CLUL1: variants seen among roughly 807,000 people sequenced by gnomAD.
The protein encoded by CLUL1 is clusterin-like protein 1.
A neutral mutation model predicts 49.4 loss-of-function variants in CLUL1; 43 were observed. The observed-to-expected ratio is 0.87, with a 90% CI of 0.68 to 1.12. CLUL1 has a LOEUF of 1.12. CLUL1 is among the 50% of genes most tolerant of loss of function. The pLI, the probability that CLUL1 is intolerant of heterozygous loss-of-function variation, is 0.00. For missense variants in CLUL1, 486 were observed against 544.4 expected (o/e 0.89, Z 1.07); for synonymous variants, 192 against 184.9 (o/e 1.04, Z -0.31).
chr18:643,889 C>T (rs1018609392), intron 8 of CLUL1, among the ~76,000 whole-genome samples: 20 of 152,302 alleles, frequency 1.3e-4, no homozygotes, highest in South Asian at 6.2e-4. Context: ...GCTCACACAG[C>T]TAGTAAATGG....
chr18:645,191 C>T (rs2074439918), intron 9 of CLUL1, 94 bp downstream of exon 9: 15 of 894,052 alleles, frequency 1.7e-5, no homozygotes, highest in Non-Finnish European at 2.3e-5. Context: ...ACCTGGAAAA[C>T]ATGTTTAACC....
intron 7 of CLUL1, among the ~76,000 whole-genome samples, chr18:638,163 A>T (rs2074211697): frequency 1.3e-5 from 2 of 152,204 alleles, no homozygotes; most frequent in Admixed American, 1.3e-4. Flanking sequence ...CTCATTATTC[A>T]AATATTTGTT....
At chr18:630,005 A>C (rs12604112) in intron 6 of CLUL1, among the ~76,000 whole-genome samples, 39,258 of 152,108 alleles carry the variant, frequency 0.26, 5,286 homozygotes, top group East Asian at 0.48. Context: ...TGACTGCCCA[A>C]AATATCCCCA....
intron 2 of CLUL1, among the ~76,000 whole-genome samples, chr18:614,135 A>T (rs531216731): frequency 1.3e-5 from 2 of 152,246 alleles, no homozygotes; most frequent in African/African-American, 2.4e-5. Flanking sequence ...CTTTATGTCC[A>T]TCGGTCCTTT....
chr18:648,824 T>G (rs1215038032), intron 9 of CLUL1, among the ~76,000 whole-genome samples: 1 of 152,050 alleles, frequency 6.6e-6, no homozygotes, highest in Non-Finnish European at 1.5e-5. Flanking sequence ...ACTTGGCTAA[T>G]TTTTGTATTT....
chr18:621,253 G>C (rs1299778898), intron 4 of CLUL1, among the ~76,000 whole-genome samples: 1 of 152,072 alleles, frequency 6.6e-6, no homozygotes, highest in African/African-American at 2.4e-5. Context: ...TATAAAGTTG[G>C]GGGCCACTGA....
At chr18:642,261 T>C (rs2074364546) in intron 8 of CLUL1, among the ~76,000 whole-genome samples, 1 of 151,912 alleles carries the variant, frequency 6.6e-6, no homozygotes, top group Admixed American at 6.6e-5. Flanking sequence ...CGAAACCCCG[T>C]CTCTACCAAA....
At chr18:635,971 G>A (rs572511396) in intron 7 of CLUL1, among the ~76,000 whole-genome samples, 12 of 152,156 alleles carry the variant, frequency 7.9e-5, no homozygotes, top group African/African-American at 2.2e-4. Context: ...TCCTGACCTC[G>A]TGATCCTCCC....
intron 1 of CLUL1, among the ~76,000 whole-genome samples, chr18:604,815 C>G: frequency 6.6e-6 from 1 of 152,162 alleles, no homozygotes; most frequent in Admixed American, 6.5e-5. Flanking sequence ...AAGCAGGTTG[C>G]TGGTTGCCCC....
At chr18:598,320 A>C (rs2143901739) in intron 1 of CLUL1, 1 of 381,906 alleles carries the variant, frequency 2.6e-6, no homozygotes, top group African/African-American at 2.1e-5. Flanking sequence ...GACCTTGAAG[A>C]AAGTCACGAT....
chr18:628,969 A>G (rs2073904757), intron 6 of CLUL1, among the ~76,000 whole-genome samples: 2 of 152,020 alleles, frequency 1.3e-5, no homozygotes, highest in African/African-American at 4.8e-5. Context: ...TCCTGACCCT[A>G]TCTGACTATT....
At position 645,036 on chromosome 18, in the gene CLUL1, A is replaced by G. The variant is rs770885496; in HGVS notation, c.1336A>G (p.Asn446Asp). The G allele has an allele frequency of 2.5e-6, 4 of 1,612,684 alleles. No individual in the cohort carries two copies. Among genetic ancestry groups the G allele is most frequent in the East Asian group, 4.5e-5 (2 of 44,842 alleles). Residue 446 changes from asparagine (N) to aspartate (D), a missense_variant, in exon 9 of 10, where the codon AAC becomes GAC. Transcript: ENST00000692774. ...TCTTGAAGAAAGTGCTGAGAGTTCT[A>G]ACTTCATTGGCTACGTAGTGGCAAA... is the stretch of plus-strand genomic sequence containing the variant. ...IPLEESAESSNFIGYVVAKAL... is the reference protein window; with the variant it reads ...IPLEESAESSDFIGYVVAKAL...
At chr18:635,944 C>T (rs111605267) in intron 7 of CLUL1, among the ~76,000 whole-genome samples, 16,546 of 152,008 alleles carry the variant, frequency 0.11, 1,130 homozygotes, top group African/African-American at 0.18. Flanking sequence ...ACCATATTGG[C>T]CAGGCTGGTC....
rs551268804 is a variant in CLUL1, at chr18:650,075, C to T, written c.*174C>T. 1 of 469,442 alleles carries T rather than the reference C, an allele frequency of 2.1e-6. No individual in the cohort carries two copies. Among genetic ancestry groups the T allele is most frequent in the South Asian group, 4.3e-5 (1 of 23,428 alleles). 29.1% of individuals were successfully genotyped at this position (469,442 alleles called of 1,614,324 possible). A position where few individuals can be genotyped will look rare whatever the true frequency, so the allele number is the denominator to read the frequency against. On this transcript the variant is annotated 3_prime_UTR_variant, in exon 10 of 10. Coordinates refer to ENST00000692774, the MANE Select transcript of CLUL1 (RefSeq NM_001393344.1). ...GTTGAATGGCTTAGCTATTAATACT[C>T]AAATTGAGTTAAAATGAAAATTCCT...
chr18:601,399 T>C, intron 1 of CLUL1, among the ~76,000 whole-genome samples: 1 of 152,140 alleles, frequency 6.6e-6, no homozygotes, highest in East Asian at 1.9e-4. Flanking sequence ...TCCCAGTACT[T>C]TGGGAGGCTG....
chr18:616,149 T>A (rs527446848), intron 2 of CLUL1, among the ~76,000 whole-genome samples: 270 of 152,314 alleles, frequency 1.8e-3, no homozygotes, highest in African/African-American at 6.4e-3. Flanking sequence ...TTTAAATGAA[T>A]CATTAAGGGC....
At chr18:646,072 A>G (rs1297553465) in intron 9 of CLUL1, among the ~76,000 whole-genome samples, 2 of 151,658 alleles carry the variant, frequency 1.3e-5, no homozygotes, top group Non-Finnish European at 2.9e-5. Flanking sequence ...CCAAGGTCCA[A>G]TGAACTACTC....
chr18:597,373 C>A (rs2072679745), intron 1 of CLUL1, among the ~76,000 whole-genome samples: 1 of 152,132 alleles, frequency 6.6e-6, no homozygotes, highest in African/African-American at 2.4e-5. Context: ...TTCTCTTTTT[C>A]AAAACAGGAG....
intron 5 of CLUL1, 59 bp downstream of exon 5, chr18:625,091 T>A (rs2073643082): frequency 6.6e-7 from 1 of 1,524,348 alleles, no homozygotes; most frequent in Admixed American, 2.0e-5. Context: ...TTCAGCTTAC[T>A]TTTTTATTAA....
Sources: gnomAD v4.1 joint callset for allele counts (sites outside exome capture counted in the v4.1 genomes callset) on GRCh38, gnomAD v4.1.1 for gene constraint, MANE v1.5 for transcripts, NCBI Gene and HGNC (gene_info 2026-07-23, HGNC 2026-07-21) for gene names.